Variants in GRID2 observed in about 807,000 individuals in gnomAD.
GRID2 encodes the protein glutamate ionotropic receptor delta type subunit 2.
GRID2 carries 33 observed loss-of-function variants against 114.8 expected under a neutral mutation model. The observed-to-expected ratio is 0.29, with a 90% CI of 0.22 to 0.38. The LOEUF (loss-of-function observed/expected upper bound fraction) is 0.38. GRID2 is among the 10% of genes least tolerant of loss of function. The pLI is 1.00. For missense variants in GRID2, 1,184 were observed against 1,257.7 expected (o/e 0.94, Z 0.89); for synonymous variants, 505 against 449.9 (o/e 1.12, Z -1.55).
chr4:92,792,145 A>G (rs1739619595), intron 2 of GRID2, among the ~76,000 whole-genome samples: 1 of 151,778 alleles, frequency 6.6e-6, no homozygotes, highest in Admixed American at 6.6e-5. Context: ...TTTTTTCAGC[A>G]TCATGCATTT....
rs544790606 is a variant in GRID2, at chr4:92,487,866, C to A, written c.89-102265C>A. On this transcript the variant is annotated intron_variant, in intron 1 of 15. Transcript: ENST00000282020. ...TGGCTTTCATTGATTTTATGAAATT[C>A]TTGATCATTTTCTGTCCTATTGCTC... Among the ~76,000 whole-genome samples, 131 of 152,118 alleles carry A rather than the reference C, an allele frequency of 8.6e-4. 1 individual carries two copies. The highest frequency in any genetic ancestry group is 3.0e-3 in the African/African-American group (123 of 41,516).
chr4:93,713,271 C>T (rs1157471660), intron 14 of GRID2, among the ~76,000 whole-genome samples: 7 of 152,022 alleles, frequency 4.6e-5, no homozygotes, highest in Middle Eastern at 3.4e-3. Context: ...GCCTAGAGTA[C>T]CTTCAATGTT....
At chr4:92,796,166 G>T (rs1008465903) in intron 2 of GRID2, among the ~76,000 whole-genome samples, 2 of 151,788 alleles carry the variant, frequency 1.3e-5, no homozygotes, top group Admixed American at 6.6e-5. Context: ...GTAGAATACT[G>T]CATGCAATGA....
At chr4:92,389,421 A>G (rs997688205) in intron 1 of GRID2, among the ~76,000 whole-genome samples, 7 of 152,078 alleles carry the variant, frequency 4.6e-5, no homozygotes, top group Non-Finnish European at 8.8e-5. Context: ...CTAAATATTC[A>G]TGTGACCACC....
chr4:93,528,117 G>A (rs1398972689), intron 13 of GRID2, among the ~76,000 whole-genome samples: 1 of 151,566 alleles, frequency 6.6e-6, no homozygotes, highest in East Asian at 1.9e-4. Context: ...GTGTATATAT[G>A]TGTGTGTATA....
chr4:93,333,261 A>T (rs183863986), intron 8 of GRID2, among the ~76,000 whole-genome samples: 1 of 152,194 alleles, frequency 6.6e-6, no homozygotes, highest in East Asian at 1.9e-4. Flanking sequence ...TGCACATCTG[A>T]TTTAGAAGGT....
At chr4:92,530,757 A>T (rs940555483) in intron 1 of GRID2, among the ~76,000 whole-genome samples, 1 of 132,006 alleles carries the variant, frequency 7.6e-6, no homozygotes, top group Admixed American at 7.7e-5. Context: ...AAAAAAAAAA[A>T]TTAGCTGGGC....
chr4:93,668,201 T>A (rs1724107417), intron 14 of GRID2, among the ~76,000 whole-genome samples: 1 of 150,482 alleles, frequency 6.6e-6, no homozygotes, highest in Admixed American at 6.6e-5. Context: ...ATTACACATT[T>A]CTCTGTCTTT....
intron 2 of GRID2, among the ~76,000 whole-genome samples, chr4:92,973,998 A>G (rs760548481): frequency 5.9e-5 from 9 of 152,192 alleles, no homozygotes; most frequent in Non-Finnish European, 1.2e-4. Context: ...CCAGAAAGAT[A>G]CAAACAACCC....
chr4:93,313,740 C>G (rs1332518053), intron 8 of GRID2, among the ~76,000 whole-genome samples: 2 of 151,994 alleles, frequency 1.3e-5, no homozygotes, highest in African/African-American at 4.8e-5. Context: ...TATGAGATGC[C>G]ACTAGATATC....
intron 2 of GRID2, among the ~76,000 whole-genome samples, chr4:93,039,152 G>C (rs1725237201): frequency 1.3e-5 from 2 of 152,124 alleles, no homozygotes. Flanking sequence ...AAAAGGATGA[G>C]TTCATGTCCT....
chr4:93,799,077 C>T (rs543299695), intron 1 of GRID2, among the ~76,000 whole-genome samples: 2 of 152,126 alleles, frequency 1.3e-5, no homozygotes, highest in African/African-American at 4.8e-5. Flanking sequence ...ATTTAAAGAC[C>T]CTCAACCTCA....
intron 2 of GRID2, among the ~76,000 whole-genome samples, chr4:92,707,588 T>C (rs766046591): frequency 6.6e-6 from 1 of 152,180 alleles, no homozygotes; most frequent in Non-Finnish European, 1.5e-5. Context: ...CGTGGAAAGA[T>C]TTATTTTATA....
chr4:92,900,933 C>CGTGTGTGTGTGTGT (rs1383640338), intron 2 of GRID2, among the ~76,000 whole-genome samples: 1 of 58,538 alleles, frequency 1.7e-5, no homozygotes. Context: ...GAGTAGTATT[C>CGTGTGTGTGTGTGT]GTCTGTGTGT....
chr4:93,400,839 G>A (rs1217519836), intron 9 of GRID2, among the ~76,000 whole-genome samples: 1 of 151,866 alleles, frequency 6.6e-6, no homozygotes, highest in Non-Finnish European at 1.5e-5. Context: ...GAGTTTTTTT[G>A]TTGTTTGTTT....
At chr4:92,569,780 C>T (rs1010655106) in intron 1 of GRID2, among the ~76,000 whole-genome samples, 6 of 152,030 alleles carry the variant, frequency 3.9e-5, no homozygotes, top group African/African-American at 1.2e-4. Context: ...TGAGAAGTGT[C>T]TGTTCATGTC....
intron 1 of GRID2, among the ~76,000 whole-genome samples, chr4:92,421,370 G>A (rs890758886): frequency 7.2e-5 from 11 of 152,138 alleles, no homozygotes; most frequent in African/African-American, 2.6e-4. Flanking sequence ...GAGGAGCTGA[G>A]GAAATACAGA....
At chr4:93,426,186 A>G (rs1399682000) in intron 10 of GRID2, among the ~76,000 whole-genome samples, 1 of 152,196 alleles carries the variant, frequency 6.6e-6, no homozygotes, top group African/African-American at 2.4e-5. Flanking sequence ...TATTTAATAC[A>G]TAAGTTACAT....
At chr4:92,948,679 A>G (rs1174842201) in intron 2 of GRID2, among the ~76,000 whole-genome samples, 1 of 151,966 alleles carries the variant, frequency 6.6e-6, no homozygotes, top group Non-Finnish European at 1.5e-5. Context: ...TTAATTTTTT[A>G]GGGAATGGAA....
Sources: gnomAD v4.1 joint callset for allele counts (sites outside exome capture counted in the v4.1 genomes callset) on GRCh38, gnomAD v4.1.1 for gene constraint, MANE v1.5 for transcripts, NCBI Gene and HGNC (gene_info 2026-07-23, HGNC 2026-07-21) for gene names.